The following POFUT1 variants were observed in gnomAD, a reference collection of about 807,000 sequenced individuals.
The protein encoded by POFUT1 is GDP-fucose protein O-fucosyltransferase 1.
POFUT1 carries 16 observed loss-of-function variants against 42.4 expected under a neutral mutation model. That is an observed-to-expected ratio of 0.38 (90% CI 0.26 to 0.57). The LOEUF (loss-of-function observed/expected upper bound fraction) is 0.57. Among genes scored for constraint, POFUT1 ranks in the 20% least tolerant of loss-of-function variants. The pLI, the probability that POFUT1 is intolerant of heterozygous loss-of-function variation, is 0.71. For missense variants in POFUT1, 470 were observed against 504.6 expected (o/e 0.93, Z 0.66); for synonymous variants, 206 against 205.4 (o/e 1.00, Z -0.03).
At position 32,207,938 on chromosome 20, in the gene POFUT1, C is replaced by A. The variant is rs6087834; in HGVS notation, c.-4C>A. 1.3e-6 allele frequency: 2 copies of A among 1,584,064 alleles called. No individual in the cohort carries two copies. The highest frequency in any genetic ancestry group is 1.7e-6 in the Non-Finnish European group (2 of 1,173,652). ...CCGCGGCTGGCTCGGGTTCCCGGGC[C>A]GACATGGGCGCCGCCGCGTGGGCAC... is the stretch of plus-strand genomic sequence containing the variant. On this transcript the variant is annotated 5_prime_UTR_variant, in exon 1 of 7. Transcript: ENST00000375749.
At chr20:32,213,176 G>A (rs752346112) in intron 2 of POFUT1, among the ~76,000 whole-genome samples, 10 of 151,756 alleles carry the variant, frequency 6.6e-5, no homozygotes, top group East Asian at 1.9e-4. Context: ...GAAAGTGACC[G>A]CACCCAGCCA....
intron 6 of POFUT1, among the ~76,000 whole-genome samples, chr20:32,232,311 AAAAG>A (rs137998680): frequency 0.22 from 32,608 of 151,406 alleles, 4,150 homozygotes; most frequent in African/African-American, 0.35. Context: ...CTATTTAAAA[AAAAG>A]AAAGAAAGAA....
chr20:32,208,074 T>A lies in POFUT1; in HGVS notation c.124+9T>A, dbSNP rs1450120178. ...CTACTGCCCCTGCATGGGTAAGGCC[T>A]CCCAAGCCCTCTGCTCAGATGGAGA... is the stretch of plus-strand genomic sequence containing the variant. On this transcript the variant is annotated intron_variant, in intron 1 of 6. Transcript: ENST00000375749. 48 of 1,543,988 alleles carry A rather than the reference T, an allele frequency of 3.1e-5. No homozygotes were observed. Among genetic ancestry groups the A allele is most frequent in the Non-Finnish European group, 4.2e-5 (48 of 1,148,860 alleles).
At chr20:32,210,267 C>A (rs1209347439) in intron 2 of POFUT1, 75 bp downstream of exon 2, 42 of 1,518,228 alleles carry the variant, frequency 2.8e-5, no homozygotes, top group Non-Finnish European at 3.7e-5. Flanking sequence ...ACCCTCAAGT[C>A]CTCTGGGCTT....
intron 4 of POFUT1, among the ~76,000 whole-genome samples, chr20:32,227,185 A>G (rs1175220225): frequency 6.6e-6 from 1 of 152,140 alleles, no homozygotes; most frequent in East Asian, 1.9e-4. Flanking sequence ...GTCTGGGTTT[A>G]GCTGAAGAGG....
chr20:32,213,629 G>A (rs1022115439), intron 2 of POFUT1, among the ~76,000 whole-genome samples: 2 of 151,792 alleles, frequency 1.3e-5, no homozygotes, highest in African/African-American at 2.4e-5. Flanking sequence ...AAAATTAGCC[G>A]GCGTGGTGGT....
chr20:32,217,664 AT>A, intron 4 of POFUT1: 1 of 985,660 alleles, frequency 1.0e-6, no homozygotes, highest in African/African-American at 1.7e-5. Flanking sequence ...CGCTGATGGT[AT>A]CTGCCTCGTA....
chr20:32,211,575 C>T (rs2047329182), intron 2 of POFUT1, among the ~76,000 whole-genome samples: 1 of 152,168 alleles, frequency 6.6e-6, no homozygotes, highest in Non-Finnish European at 1.5e-5. Flanking sequence ...TGGCCTCGCA[C>T]TCACTATTAC....
chr20:32,218,234 T>C (rs2047372572), intron 4 of POFUT1, among the ~76,000 whole-genome samples: 2 of 152,150 alleles, frequency 1.3e-5, no homozygotes, highest in Non-Finnish European at 2.9e-5. Flanking sequence ...ATCCCTGGGC[T>C]CAAGCAATCC....
intron 4 of POFUT1, among the ~76,000 whole-genome samples, chr20:32,227,727 G>A (rs552646515): frequency 3.1e-4 from 47 of 152,286 alleles, no homozygotes; most frequent in Non-Finnish European, 2.6e-4. Flanking sequence ...CTTCCATAGC[G>A]CAGGGACTAT....
In POFUT1 at chr20:32,207,888, C is replaced by T. The variant is rs1424016768; in HGVS notation, c.-54C>T. 3.5e-6 allele frequency: 5 copies of T among 1,434,370 alleles called. No individual in the cohort carries two copies. Among genetic ancestry groups the T allele is most frequent in the East Asian group, 6.1e-5 (2 of 33,018 alleles). 88.9% of individuals were successfully genotyped at this position (1,434,370 alleles called of 1,614,324 possible). A position where few individuals can be genotyped will look rare whatever the true frequency, so the allele number is the denominator to read the frequency against. On this transcript the variant is annotated 5_prime_UTR_variant, in exon 1 of 7. Coordinates refer to ENST00000375749, the MANE Select transcript of POFUT1 (RefSeq NM_015352.2). ...CTGGGAGCGGGGCGGGCGCTCGCGT[C>T]CCTCCTTCCCTCCCCGACTGTGCGC...
intron 6 of POFUT1, among the ~76,000 whole-genome samples, chr20:32,231,901 G>T (rs1176850557): frequency 6.6e-6 from 1 of 152,216 alleles, no homozygotes; most frequent in Non-Finnish European, 1.5e-5. Context: ...ATACTAGAAT[G>T]TTCTTGGTCA....
intron 2 of POFUT1, among the ~76,000 whole-genome samples, chr20:32,212,084 C>T (rs1191544418): frequency 6.6e-6 from 1 of 152,142 alleles, no homozygotes; most frequent in Non-Finnish European, 1.5e-5. Context: ...ATGTGCAAAT[C>T]TATGTAAAGT....
At position 32,234,930 on chromosome 20, in the gene POFUT1, A is replaced by C. The variant is rs182089964; in HGVS notation, c.*269A>C. The C allele has an allele frequency of 5.6e-5, 21 of 375,706 alleles. No homozygotes were observed. The highest frequency in any genetic ancestry group is 1.3e-4 in the Admixed American group (3 of 23,476). 23.3% of individuals were successfully genotyped at this position (375,706 alleles called of 1,614,324 possible). A position where few individuals can be genotyped will look rare whatever the true frequency, so the allele number is the denominator to read the frequency against. ...ATTTCTCACACTGGCAAAGCAGTCC[A>C]GCCTCCGTCTTCTGGTCCACTCTGC... is the stretch of plus-strand genomic sequence containing the variant. On this transcript the variant is annotated 3_prime_UTR_variant, in exon 7 of 7. Coordinates refer to ENST00000375749, the MANE Select transcript of POFUT1 (RefSeq NM_015352.2).
intron 4 of POFUT1, chr20:32,222,845 C>G: frequency 1.0e-6 from 1 of 985,392 alleles, no homozygotes; most frequent in Non-Finnish European, 1.2e-6. Context: ...TATAATGGTC[C>G]AGGAATTTGA....
intron 4 of POFUT1, among the ~76,000 whole-genome samples, chr20:32,219,611 C>T (rs2047380634): frequency 6.6e-6 from 1 of 151,314 alleles, no homozygotes; most frequent in African/African-American, 2.4e-5. Context: ...ATTCTCCTGC[C>T]TCAGCCTCCC....
chr20:32,225,804 C>T (rs2047411985), intron 4 of POFUT1, among the ~76,000 whole-genome samples: 1 of 151,998 alleles, frequency 6.6e-6, no homozygotes, highest in Admixed American at 6.6e-5. Context: ...TGAAAAAAAA[C>T]AAAAACAACA....
chr20:32,207,915 G>C lies in POFUT1; in HGVS notation c.-27G>C. The C allele has an allele frequency of 6.4e-7, 1 of 1,568,038 alleles. No individual in the cohort carries two copies. Among genetic ancestry groups the C allele is most frequent in the Non-Finnish European group, 8.6e-7 (1 of 1,165,794 alleles). ...CTCCTTCCCTCCCCGACTGTGCGCC[G>C]CGGCTGGCTCGGGTTCCCGGGCCGA... On this transcript the variant is annotated 5_prime_UTR_variant, in exon 1 of 7. Transcript: ENST00000375749.
Position 32,215,312 on chromosome 20 carries a change from A to C in POFUT1, c.290A>C (p.Gln97Pro). The C allele has an allele frequency of 6.8e-6, 11 of 1,614,122 alleles. No individual in the cohort carries two copies. Among genetic ancestry groups the C allele is most frequent in the Non-Finnish European group, 8.5e-6 (10 of 1,179,984 alleles). The change falls in exon 3 of 7, where the codon CAG becomes CCG. Residue 97 changes from glutamine (Q) to proline (P), a missense_variant. By Grantham distance (76) the Gln-to-Pro change is moderately conservative (BLOSUM62 -1). Coordinates refer to ENST00000375749, the MANE Select transcript of POFUT1 (RefSeq NM_015352.2). ...YQKYFKLEPL[Q>P]AYHRVISLED... ...AAGTACTTCAAGCTGGAGCCCCTCC[A>C]GGCTTACCATCGGGTCATCAGCTTG...
Sources: gnomAD v4.1 joint callset for allele counts (sites outside exome capture counted in the v4.1 genomes callset) on GRCh38, gnomAD v4.1.1 for gene constraint, MANE v1.5 for transcripts, NCBI Gene and HGNC (gene_info 2026-07-23, HGNC 2026-07-21) for gene names.